CA10: variants seen among roughly 807,000 people sequenced by gnomAD.
CA10 encodes the protein carbonic anhydrase 10 (inactive).
Under a neutral mutation model 44.2 loss-of-function variants are expected in CA10, and 14 were observed. That is an observed-to-expected ratio of 0.32 (90% CI 0.21 to 0.50). CA10 has a LOEUF of 0.50. Ranked by LOEUF, CA10 falls within the 20% of genes least tolerant of loss-of-function variation. CA10 has a pLI of 0.99. For synonymous variants in CA10, 159 were observed against 141.6 expected, an observed-to-expected ratio of 1.12 and a Z score of -0.87; for missense variants, 350 against 409.7, an observed-to-expected ratio of 0.85 and a Z score of 1.26.
chr17:51,884,510 T>C (rs920744918), intron 3 of CA10, among the ~76,000 whole-genome samples: 1 of 152,116 alleles, frequency 6.6e-6, no homozygotes, highest in Admixed American at 6.5e-5. Context: ...CTCATCCAGG[T>C]CTTTGACTTT....
At chr17:51,887,278 G>C (rs540795620) in intron 3 of CA10, among the ~76,000 whole-genome samples, 58 of 152,188 alleles carry the variant, frequency 3.8e-4, no homozygotes, top group African/African-American at 1.3e-3. Context: ...TGCTCTTAAA[G>C]AATAGACACG....
intron 3 of CA10, among the ~76,000 whole-genome samples, chr17:51,874,962 T>TG (rs892105786): frequency 1.5e-4 from 6 of 40,714 alleles, no homozygotes; most frequent in African/African-American, 2.8e-4. Context: ...TTTTTTTTCT[T>TG]TTTTTTCTTT....
chr17:51,825,682 C>A (rs1385446826), intron 3 of CA10, among the ~76,000 whole-genome samples: 2 of 152,232 alleles, frequency 1.3e-5, no homozygotes, highest in Non-Finnish European at 2.9e-5. Flanking sequence ...ATTGCATACT[C>A]ATTACATACA....
At position 51,877,206 on chromosome 17, in the gene CA10, A is replaced by C. The variant is rs1980120040; in HGVS notation, c.279+53784T>G. Among the ~76,000 whole-genome samples the C allele has an allele frequency of 2.6e-5, 4 of 152,330 alleles. No homozygotes were observed. The South Asian group carries it at 8.3e-4, about 32-fold the overall frequency. Reference sequence around the variant, plus strand: ...CCAGATGGTGGAGATGTCATCAGCCAATGTTGCTGAGTAGAAATGACATGG... The same window carrying C: ...CCAGATGGTGGAGATGTCATCAGCCCATGTTGCTGAGTAGAAATGACATGG... On this transcript the variant is annotated intron_variant, in intron 3 of 8. Transcript: ENST00000451037.
At chr17:52,013,941 T>C (rs1402077932) in intron 2 of CA10, among the ~76,000 whole-genome samples, 1 of 151,914 alleles carries the variant, frequency 6.6e-6, no homozygotes, top group Non-Finnish European at 1.5e-5. Flanking sequence ...GTAAGCATAG[T>C]ACAAGTTTAA....
At chr17:52,021,945 G>A (rs1250099507) in intron 2 of CA10, among the ~76,000 whole-genome samples, 1 of 152,040 alleles carries the variant, frequency 6.6e-6, no homozygotes, top group African/African-American at 2.4e-5. Context: ...CCCAGGACCA[G>A]GTGGATTCAC....
chr17:52,012,384 C>T (rs886786964), intron 2 of CA10, among the ~76,000 whole-genome samples: 1 of 151,944 alleles, frequency 6.6e-6, no homozygotes, highest in African/African-American at 2.4e-5. Context: ...AACACAGAAT[C>T]ACATACATGC....
chr17:51,807,378 T>C (rs1159695029), intron 3 of CA10, among the ~76,000 whole-genome samples: 1 of 152,214 alleles, frequency 6.6e-6, no homozygotes, highest in Non-Finnish European at 1.5e-5. Context: ...AAAGCCCTTA[T>C]TCATTTTATT....
chr17:51,813,128 A>G (rs929068827), intron 3 of CA10, among the ~76,000 whole-genome samples: 4 of 152,244 alleles, frequency 2.6e-5, no homozygotes, highest in Non-Finnish European at 5.9e-5. Flanking sequence ...TAACAGATTA[A>G]AAATTATACC....
chr17:51,966,178 A>C (rs6504753), intron 2 of CA10, among the ~76,000 whole-genome samples: 1 of 151,808 alleles, frequency 6.6e-6, no homozygotes, highest in African/African-American at 2.4e-5. Context: ...TCTCTACAAC[A>C]AGAACTTCAA....
At chr17:52,093,520 C>A (rs1394247085) in intron 1 of CA10, among the ~76,000 whole-genome samples, 7 of 152,136 alleles carry the variant, frequency 4.6e-5, no homozygotes, top group Non-Finnish European at 7.4e-5. Flanking sequence ...ACCTATTTAG[C>A]AATTTATCCT....
chr17:51,744,537 G>T (rs1351413673), intron 4 of CA10, among the ~76,000 whole-genome samples: 1 of 151,964 alleles, frequency 6.6e-6, no homozygotes, highest in Non-Finnish European at 1.5e-5. Context: ...TTGAGCCCAG[G>T]AGTTAGAGGT....
At chr17:51,655,837 T>C (rs1320991197) in intron 4 of CA10, among the ~76,000 whole-genome samples, 1 of 152,252 alleles carries the variant, frequency 6.6e-6, no homozygotes, top group Non-Finnish European at 1.5e-5. Flanking sequence ...ATATCCTATT[T>C]GCTTATTGCT....
At chr17:51,752,245 A>G (rs1340688878) in intron 3 of CA10, among the ~76,000 whole-genome samples, 1 of 151,468 alleles carries the variant, frequency 6.6e-6, no homozygotes, top group African/African-American at 2.4e-5. Context: ...CACCGCAGTA[A>G]TTAACATTGC....
At chr17:51,784,609 A>G (rs1906188597) in intron 3 of CA10, among the ~76,000 whole-genome samples, 1 of 152,144 alleles carries the variant, frequency 6.6e-6, no homozygotes, top group Non-Finnish European at 1.5e-5. Flanking sequence ...AGAACATGCC[A>G]TATTTGTCTT....
intron 3 of CA10, among the ~76,000 whole-genome samples, chr17:51,885,552 C>A (rs1055061804): frequency 2.6e-5 from 4 of 152,314 alleles, no homozygotes; most frequent in Non-Finnish European, 5.9e-5. Flanking sequence ...AAGACCAGCT[C>A]AGTTCTCACT....
intron 4 of CA10, among the ~76,000 whole-genome samples, chr17:51,668,584 T>C (rs1344046471): frequency 6.6e-6 from 1 of 152,186 alleles, no homozygotes; most frequent in Non-Finnish European, 1.5e-5. Flanking sequence ...TTTTGTCCGG[T>C]GTACTGTCCT....
At chr17:51,722,507 G>A (rs1173112486) in intron 4 of CA10, among the ~76,000 whole-genome samples, 1 of 152,154 alleles carries the variant, frequency 6.6e-6, no homozygotes, top group Non-Finnish European at 1.5e-5. Flanking sequence ...TGAGAAAGAG[G>A]GATATATTTT....
chr17:52,125,161 G>A lies in CA10; in HGVS notation c.61+32565C>T, dbSNP rs78128201. ...ACGTGTCACATTCTTCTGGAAGCCCGCTGAGTCAGCGTTGGTGTCAGTCTT... is the reference window on the plus strand; with the variant it reads ...ACGTGTCACATTCTTCTGGAAGCCCACTGAGTCAGCGTTGGTGTCAGTCTT... On this transcript the variant is annotated intron_variant, in intron 1 of 8. Transcript: ENST00000451037. 4.2e-4 allele frequency among the ~76,000 whole-genome samples: 64 copies of A among 152,322 alleles called. No homozygotes were observed. The East Asian group carries it at 9.8e-3, about 23-fold the overall frequency.
Sources: gnomAD v4.1 joint callset for allele counts (sites outside exome capture counted in the v4.1 genomes callset) on GRCh38, gnomAD v4.1.1 for gene constraint, MANE v1.5 for transcripts, NCBI Gene and HGNC (gene_info 2026-07-23, HGNC 2026-07-21) for gene names.